The following CDK13 variants were observed in gnomAD, a reference collection of about 807,000 sequenced individuals.
CDK13 encodes the protein cyclin-dependent kinase 13.
A neutral mutation model predicts 137.6 loss-of-function variants in CDK13; 40 were observed. The ratio of observed to expected loss-of-function variants is 0.29; its 90% CI spans 0.23 to 0.38. The LOEUF (loss-of-function observed/expected upper bound fraction) is 0.38. CDK13 is among the 10% of genes least tolerant of loss of function. The pLI, the probability that CDK13 is intolerant of heterozygous loss-of-function variation, is 1.00. For missense variants in CDK13, 1,704 were observed against 1,951.8 expected (o/e 0.87, Z 2.39); for synonymous variants, 869 against 760.1 (o/e 1.14, Z -2.36).
chr7:40,021,827 C>G (rs905916976), intron 5 of CDK13, among the ~76,000 whole-genome samples: 4 of 152,046 alleles, frequency 2.6e-5, no homozygotes, highest in Non-Finnish European at 5.9e-5. Flanking sequence ...AAAATAGCAA[C>G]TAAAATTTTT....
Position 40,099,527 on chromosome 7 carries a change from A to AT in CDK13, c.*4554dup, listed in dbSNP as rs967525009. The AT allele has an allele frequency of 6.6e-6, 1 of 151,958 alleles. No homozygotes were observed. Among genetic ancestry groups the AT allele is most frequent in the African/African-American group, 2.4e-5 (1 of 41,356 alleles). The allele number at this position is 151,958 out of a possible 1,614,324, so 9.4% of individuals were successfully genotyped here. A position where few individuals can be genotyped will look rare whatever the true frequency, so the allele number is the denominator to read the frequency against. Reference sequence around the variant, plus strand: ...TAATATAAGCCATTTGTTTTTTACCATTTTTTTAAGGCCGTATTCAATAGT... The same window carrying AT: ...TAATATAAGCCATTTGTTTTTTACCATTTTTTTTAAGGCCGTATTCAATAGT... On this transcript the variant is annotated 3_prime_UTR_variant, in exon 14 of 14. Transcript: ENST00000181839.
rs1785318313 is a variant in CDK13, at chr7:40,029,487, T to C, written c.2354-16349T>C. Among the ~76,000 whole-genome samples the C allele has an allele frequency of 2.6e-5, 4 of 151,548 alleles. No individual in the cohort carries two copies. The South Asian group carries it at 8.3e-4, about 32-fold the overall frequency. On this transcript the variant is annotated intron_variant, in intron 5 of 13. Transcript: ENST00000181839. ...CCGTAATCCCAGCACTTTGGGAGGC[T>C]GAGGTGGGCGGATCACAAGGTCAAG...
intron 1 of CDK13, among the ~76,000 whole-genome samples, chr7:39,972,633 G>A (rs552513304): frequency 9.9e-5 from 15 of 152,284 alleles, no homozygotes; most frequent in Non-Finnish European, 2.9e-5. Context: ...AGGTTTATCT[G>A]TGTTGTAGTA....
intron 7 of CDK13, chr7:40,059,130 C>T (rs1249414372): frequency 1.3e-5 from 2 of 152,078 alleles, no homozygotes; most frequent in Non-Finnish European, 2.9e-5. Flanking sequence ...TATCTAGAAC[C>T]CCCAAATACT....
intron 5 of CDK13, among the ~76,000 whole-genome samples, chr7:40,044,442 C>G (rs1785687957): frequency 6.6e-6 from 1 of 151,320 alleles, no homozygotes; most frequent in Non-Finnish European, 1.5e-5. Flanking sequence ...CTTCAGTCCC[C>G]CGAGTAGCTG....
chr7:40,031,744 C>T (rs1360280247), intron 5 of CDK13, among the ~76,000 whole-genome samples: 1 of 151,720 alleles, frequency 6.6e-6, no homozygotes, highest in Non-Finnish European at 1.5e-5. Flanking sequence ...CTCCCAGTCT[C>T]AAGTGATCCT....
intron 1 of CDK13, among the ~76,000 whole-genome samples, chr7:39,976,779 A>T (rs1784121541): frequency 6.6e-6 from 1 of 152,222 alleles, no homozygotes; most frequent in Non-Finnish European, 1.5e-5. Flanking sequence ...ATGTGAATGT[A>T]GGGTCTCTCT....
In CDK13 at chr7:40,032,290, C is replaced by T. The variant is rs563636647; in HGVS notation, c.2354-13546C>T. Among the ~76,000 whole-genome samples the T allele has an allele frequency of 1.2e-4, 18 of 152,252 alleles. No homozygotes were observed. The South Asian group carries it at 1.9e-3, about 16-fold the overall frequency. ...TTTGCCACGTTGCCCAGACTGGTTT[C>T]GAACTCCTGGGTTCAAGCAATCCGT... On this transcript the variant is annotated intron_variant, in intron 5 of 13. Transcript: ENST00000181839.
chr7:40,079,367 C>T (rs2150536809), intron 11 of CDK13, among the ~76,000 whole-genome samples: 1 of 151,504 alleles, frequency 6.6e-6, no homozygotes, highest in Admixed American at 6.6e-5. Flanking sequence ...TGCAGTGAGC[C>T]AAGATCATGG....
At chr7:39,968,494 T>C (rs1583920807) in intron 1 of CDK13, among the ~76,000 whole-genome samples, 1 of 152,224 alleles carries the variant, frequency 6.6e-6, no homozygotes, top group South Asian at 2.1e-4. Context: ...CCGCCTAGCC[T>C]CTGCAGTAGC....
intron 1 of CDK13, among the ~76,000 whole-genome samples, chr7:39,983,058 T>A (rs1583942768): frequency 6.6e-6 from 1 of 152,240 alleles, no homozygotes; most frequent in Admixed American, 6.5e-5. Flanking sequence ...TTGTTGCCAT[T>A]GCTTTTGGTG....
At chr7:39,989,897 C>G (rs1361324540) in intron 2 of CDK13, among the ~76,000 whole-genome samples, 1 of 151,646 alleles carries the variant, frequency 6.6e-6, no homozygotes, top group Non-Finnish European at 1.5e-5. Flanking sequence ...GTTCTTCTGC[C>G]TCAGCCTCCC....
At chr7:40,053,383 A>G (rs1453511788) in intron 7 of CDK13, among the ~76,000 whole-genome samples, 1 of 152,096 alleles carries the variant, frequency 6.6e-6, no homozygotes, top group Non-Finnish European at 1.5e-5. Flanking sequence ...CACCTCATAT[A>G]GGCCATTGTA....
At chr7:40,051,015 G>A (rs1249829891) in intron 7 of CDK13, among the ~76,000 whole-genome samples, 1 of 152,024 alleles carries the variant, frequency 6.6e-6, no homozygotes, top group East Asian at 1.9e-4. Flanking sequence ...ATATAATTTG[G>A]GTTCCATTGG....
At chr7:40,060,700 A>G (rs1378283698) in intron 7 of CDK13, 2 of 152,204 alleles carry the variant, frequency 1.3e-5, no homozygotes, top group Non-Finnish European at 1.5e-5. Flanking sequence ...GACTTTATGA[A>G]TATGCATCTT....
intron 1 of CDK13, among the ~76,000 whole-genome samples, chr7:39,974,564 T>G (rs1157321817): frequency 6.6e-6 from 1 of 151,364 alleles, no homozygotes; most frequent in Non-Finnish European, 1.5e-5. Flanking sequence ...TTCTTTTTTT[T>G]TTTTTTTTTT....
chr7:40,029,352 G>A (rs1047781499), intron 5 of CDK13, among the ~76,000 whole-genome samples: 25 of 150,896 alleles, frequency 1.7e-4, no homozygotes, highest in Non-Finnish European at 2.7e-4. Context: ...CACTTGAACC[G>A]GGAGGCAGAA....
intron 11 of CDK13, among the ~76,000 whole-genome samples, chr7:40,083,728 A>G (rs1270249534): frequency 6.6e-6 from 1 of 152,200 alleles, no homozygotes; most frequent in African/African-American, 2.4e-5. Flanking sequence ...CAAACATGTT[A>G]AAAACACATT....
In CDK13 at chr7:40,078,841, C is replaced by A; in HGVS notation, c.3019C>A (p.Pro1007Thr). 7.0e-7 allele frequency: 1 copy of A among 1,435,490 alleles called. No individual in the cohort carries two copies. Among genetic ancestry groups the A allele is most frequent in the Non-Finnish European group, 9.2e-7 (1 of 1,082,258 alleles). The allele number at this position is 1,435,490 out of a possible 1,614,324, so 88.9% of individuals were successfully genotyped here. ...FLRDVEPSKM[P>T]PPDLPLWQDC... The stretch of plus-strand genomic sequence containing the variant: ...CCGAGATGTGGAACCCTCAAAAATG[C>A]CTCCACCAGAGTAAGTGACTTTTTA... Residue 1007 changes from proline (P) to threonine (T), a missense_variant, in exon 11 of 14, where the codon CCT becomes ACT. Pro to Thr is a conservative substitution (Grantham distance 38). Transcript: ENST00000181839.
Sources: allele counts gnomAD v4.1 joint callset (sites outside exome capture counted in the v4.1 genomes callset), GRCh38; gene constraint gnomAD v4.1.1; transcripts MANE v1.5; gene names NCBI Gene and HGNC (gene_info 2026-07-23, HGNC 2026-07-21).